PLPP1: variants seen among roughly 807,000 people sequenced by gnomAD.
PLPP1 encodes phospholipid phosphatase 1, also known as lipid phosphate phosphohydrolase 1a.
PLPP1 carries 24 observed loss-of-function variants against 31.2 expected under a neutral mutation model. The observed-to-expected ratio is 0.77, with a 90% CI of 0.56 to 1.08. PLPP1 has a LOEUF of 1.08. PLPP1 is among the 50% of genes least tolerant of loss of function. The probability of loss-of-function intolerance (pLI) is 0.00; values close to 1 mark genes in which losing one functional copy is unlikely to be tolerated. For missense variants in PLPP1, 319 were observed against 342.7 expected (o/e 0.93, Z 0.55); for synonymous variants, 146 against 126.3 (o/e 1.16, Z -1.05).
intron 2 of PLPP1, among the ~76,000 whole-genome samples, chr5:55,470,704 C>G (rs988711942): frequency 2.6e-5 from 4 of 152,184 alleles, no homozygotes; most frequent in African/African-American, 9.7e-5. Flanking sequence ...TAACCATATT[C>G]TTTTGTTTCA....
chr5:55,444,486 C>G (rs560483773), intron 3 of PLPP1, among the ~76,000 whole-genome samples: 95 of 152,252 alleles, frequency 6.2e-4, no homozygotes, highest in African/African-American at 2.2e-3. Context: ...TAGATTTTAA[C>G]CAATCCTAGA....
intron 3 of PLPP1, among the ~76,000 whole-genome samples, chr5:55,445,987 C>A (rs1751756914): frequency 6.6e-6 from 1 of 152,154 alleles, no homozygotes; most frequent in African/African-American, 2.4e-5. Context: ...TCAGCCAGTT[C>A]TTTCTGGGTA....
At chr5:55,430,899 T>C (rs572154424) in intron 4 of PLPP1, among the ~76,000 whole-genome samples, 10 of 151,784 alleles carry the variant, frequency 6.6e-5, no homozygotes, top group Non-Finnish European at 1.3e-4. Flanking sequence ...AAGACATAGA[T>C]ATAAAAAAAA....
At chr5:55,466,128 C>T (rs1265293086) in intron 3 of PLPP1, among the ~76,000 whole-genome samples, 3 of 152,192 alleles carry the variant, frequency 2.0e-5, no homozygotes, top group African/African-American at 7.2e-5. Flanking sequence ...CCTCTTCAGT[C>T]ACTTTTCCCT....
At chr5:55,487,256 T>C (rs1055464220) in intron 1 of PLPP1, among the ~76,000 whole-genome samples, 3 of 152,150 alleles carry the variant, frequency 2.0e-5, no homozygotes, top group African/African-American at 7.2e-5. Context: ...ACTTTATTGT[T>C]ACTATCATTA....
intron 1 of PLPP1, among the ~76,000 whole-genome samples, chr5:55,477,969 C>CA (rs768544885): frequency 3.1e-4 from 46 of 147,584 alleles, no homozygotes; most frequent in Middle Eastern, 7.0e-3. Context: ...GACAGAGTGA[C>CA]ACTCTGTCTT....
intron 2 of PLPP1, among the ~76,000 whole-genome samples, chr5:55,475,084 G>A (rs1189195002): frequency 6.6e-6 from 1 of 152,004 alleles, no homozygotes; most frequent in Non-Finnish European, 1.5e-5. Flanking sequence ...GGGACTACAG[G>A]CATGTCACCA....
chr5:55,467,291 A>G (rs745441342), intron 3 of PLPP1, among the ~76,000 whole-genome samples: 3 of 152,244 alleles, frequency 2.0e-5, no homozygotes, highest in African/African-American at 4.8e-5. Flanking sequence ...ATTGGAACAT[A>G]GCCACATTAT....
Position 55,434,126 on chromosome 5 carries a change from C to G in PLPP1, c.549+7725G>C, listed in dbSNP as rs983048746. Among the ~76,000 whole-genome samples the G allele has an allele frequency of 2.9e-5, 4 of 137,152 alleles. No individual in the cohort carries two copies. In the Admixed American group the frequency reaches 3.1e-4, roughly 11 times the overall value. The allele number at this position is 137,152 out of a possible 152,430, so 90.0% of individuals were successfully genotyped here. ...CCTGGGCGAGCGACTGAGTGAGACT[C>G]TGTCTCAAAAAAAAAAAAAAAAAGA... On this transcript the variant is annotated intron_variant, in intron 4 of 5. Transcript: ENST00000307259.
At chr5:55,530,580 C>A (rs12513672) in intron 1 of PLPP1, 1 of 1,319,868 alleles carries the variant, frequency 7.6e-7, no homozygotes, top group Admixed American at 1.7e-5. Flanking sequence ...ATACTTCTTA[C>A]AAGATTTGCA....
chr5:55,428,237 GT>G (rs1439902366), intron 4 of PLPP1, among the ~76,000 whole-genome samples: 1 of 152,246 alleles, frequency 6.6e-6, no homozygotes, highest in African/African-American at 2.4e-5. Context: ...GGATGCCCCA[GT>G]TGTGGTTCTG....
chr5:55,471,861 A>G (rs1579947268), intron 2 of PLPP1, among the ~76,000 whole-genome samples: 3 of 152,232 alleles, frequency 2.0e-5, no homozygotes, highest in Admixed American at 2.0e-4. Flanking sequence ...GCTTACACCT[A>G]TAATCCCAGC....
At chr5:55,467,503 T>C (rs543825795) in intron 3 of PLPP1, among the ~76,000 whole-genome samples, 7 of 149,542 alleles carry the variant, frequency 4.7e-5, no homozygotes, top group African/African-American at 1.7e-4. Flanking sequence ...CTAGGCAACA[T>C]AGTGAGACTT....
intron 3 of PLPP1, among the ~76,000 whole-genome samples, chr5:55,461,428 G>A (rs1752151910): frequency 6.6e-6 from 1 of 151,922 alleles, no homozygotes; most frequent in Admixed American, 6.6e-5. Flanking sequence ...CCATGACTAA[G>A]TATATACCCC....
chr5:55,475,268 T>G (rs1752510599), intron 2 of PLPP1, 31 bp downstream of exon 2: 1 of 1,575,712 alleles, frequency 6.3e-7, no homozygotes. Flanking sequence ...TGCCCAAAAG[T>G]TATAAACTTG....
At chr5:55,449,402 T>C (rs939360783) in intron 3 of PLPP1, among the ~76,000 whole-genome samples, 5 of 152,198 alleles carry the variant, frequency 3.3e-5, no homozygotes, top group Admixed American at 2.6e-4. Flanking sequence ...ATATCTGACA[T>C]GCCTGCTACA....
intron 1 of PLPP1, among the ~76,000 whole-genome samples, chr5:55,500,005 A>G (rs1416028513): frequency 6.6e-6 from 1 of 151,986 alleles, no homozygotes; most frequent in Non-Finnish European, 1.5e-5. Flanking sequence ...AATATAATCA[A>G]TGAGTATACA....
Position 55,441,899 on chromosome 5 carries a change from G to A in PLPP1, c.501C>T (p.Phe167=), listed in dbSNP as rs1244916888. 1 of 1,613,524 alleles carries A rather than the reference G, an allele frequency of 6.2e-7. No homozygotes were observed. Among genetic ancestry groups the A allele is most frequent in the Non-Finnish European group, 8.5e-7 (1 of 1,179,568 alleles). ...AERVKEGRLS[F]YSGHSSFSMY... ...TGGAAAACGAAGAGTGGCCTGAATA[G>A]AAGGACAACCTGGAAGAAAAAGAAG... Residue 167 remains phenylalanine (F), a synonymous_variant, in exon 4 of 6, where the codon TTC becomes TTT. Transcript: ENST00000307259.
chr5:55,504,524 C>CAAA (rs70995703), intron 1 of PLPP1, among the ~76,000 whole-genome samples: 10 of 54,266 alleles, frequency 1.8e-4, no homozygotes, highest in African/African-American at 2.4e-4. Flanking sequence ...GACTCCATCT[C>CAAA]AAAAAAAAAA....
Sources: allele counts gnomAD v4.1 joint callset (sites outside exome capture counted in the v4.1 genomes callset), GRCh38; gene constraint gnomAD v4.1.1; transcripts MANE v1.5; gene names NCBI Gene and HGNC (gene_info 2026-07-23, HGNC 2026-07-21).